Variants in SH3RF3 observed in about 807,000 individuals in gnomAD.
The protein encoded by SH3RF3 is E3 ubiquitin-protein ligase SH3RF3.
In SH3RF3, 29 loss-of-function variants were observed where a neutral mutation model predicts 66.3. The ratio of observed to expected loss-of-function variants is 0.44; its 90% CI spans 0.33 to 0.60. SH3RF3 has a LOEUF of 0.60. Ranked by LOEUF, SH3RF3 falls within the 20% of genes least tolerant of loss-of-function variation. The probability of loss-of-function intolerance (pLI) is 0.04; values close to 1 mark genes in which losing one functional copy is unlikely to be tolerated. For missense variants in SH3RF3, 1,194 were observed against 1,190.9 expected, an observed-to-expected ratio of 1.00 and a Z score of -0.04; for synonymous variants, 583 against 532.0, an observed-to-expected ratio of 1.10 and a Z score of -1.32.
At chr2:109,289,578 C>G (rs933462908) in intron 1 of SH3RF3, among the ~76,000 whole-genome samples, 1 of 152,152 alleles carries the variant, frequency 6.6e-6, no homozygotes, top group African/African-American at 2.4e-5. Flanking sequence ...ACTGGGATAT[C>G]TTACTTTTCA....
chr2:109,438,693 A>G (rs1031177695), intron 7 of SH3RF3, among the ~76,000 whole-genome samples: 1 of 152,192 alleles, frequency 6.6e-6, no homozygotes, highest in Non-Finnish European at 1.5e-5. Context: ...GCCGTCCTTC[A>G]GCATGGTTTA....
At chr2:109,310,511 T>C (rs1681699941) in intron 1 of SH3RF3, among the ~76,000 whole-genome samples, 1 of 70,356 alleles carries the variant, frequency 1.4e-5, no homozygotes, top group Non-Finnish European at 2.4e-5. Flanking sequence ...CTGAAGGAAA[T>C]AGAGACACAA....
rs187169573 is a variant in SH3RF3, at chr2:109,482,499, G to A, written c.2149-8106G>A. On this transcript the variant is annotated intron_variant, in intron 8 of 9. Coordinates refer to ENST00000309415, the MANE Select transcript of SH3RF3 (RefSeq NM_001099289.3). ...CTTCTTGAAGTTCCTCAGGGAGTCA[G>A]TCTCTTTTGTTTCAGGAGCTCCCTG... Among the ~76,000 whole-genome samples the A allele has an allele frequency of 1.4e-3, 211 of 152,296 alleles. 2 individuals carry two copies. Among genetic ancestry groups the A allele is most frequent in the Non-Finnish European group, 2.4e-4 (16 of 68,024 alleles).
At chr2:109,134,857 G>A (rs1381843422) in intron 1 of SH3RF3, among the ~76,000 whole-genome samples, 1 of 152,224 alleles carries the variant, frequency 6.6e-6, no homozygotes, top group Non-Finnish European at 1.5e-5. Context: ...AGTGCACAGA[G>A]CAGTGTGGCC....
At chr2:109,317,091 G>A (rs1175290115) in intron 1 of SH3RF3, among the ~76,000 whole-genome samples, 2 of 152,074 alleles carry the variant, frequency 1.3e-5, no homozygotes, top group Non-Finnish European at 2.9e-5. Context: ...TGGCAGTTAT[G>A]AATAAAGCTG....
At chr2:109,408,547 A>G (rs993499668) in intron 4 of SH3RF3, among the ~76,000 whole-genome samples, 1 of 152,216 alleles carries the variant, frequency 6.6e-6, no homozygotes, top group African/African-American at 2.4e-5. Context: ...GTTCGCTCTC[A>G]GGACCTCGTC....
chr2:109,311,717 G>C (rs1681729437), intron 1 of SH3RF3, among the ~76,000 whole-genome samples: 1 of 152,148 alleles, frequency 6.6e-6, no homozygotes, highest in Admixed American at 6.5e-5. Flanking sequence ...TGGTGGTTTT[G>C]TTTTTCCTTG....
rs531348090 is a variant in SH3RF3, at chr2:109,184,343, G to A, written c.573+54230G>A. ...TGTTCATAAAAATAAGACGTTTATC[G>A]CACAAAGGCCAGGAGTTTCCTAGCA... On this transcript the variant is annotated intron_variant, in intron 1 of 9. Coordinates refer to ENST00000309415, the MANE Select transcript of SH3RF3 (RefSeq NM_001099289.3). 3.0e-4 allele frequency among the ~76,000 whole-genome samples: 45 copies of A among 152,260 alleles called. No individual in the cohort carries two copies. The East Asian group carries it at 7.3e-3, about 25-fold the overall frequency.
intron 1 of SH3RF3, among the ~76,000 whole-genome samples, chr2:109,326,085 T>C (rs901113768): frequency 1.3e-5 from 2 of 152,234 alleles, no homozygotes; most frequent in South Asian, 2.1e-4. Context: ...CCACATTTTC[T>C]CCACCATGGT....
At chr2:109,493,120 A>G (rs1432257726) in intron 9 of SH3RF3, among the ~76,000 whole-genome samples, 1 of 151,534 alleles carries the variant, frequency 6.6e-6, no homozygotes, top group Non-Finnish European at 1.5e-5. Flanking sequence ...GATACATCAT[A>G]TAAACACACA....
chr2:109,399,054 T>G, intron 4 of SH3RF3, 111 bp downstream of exon 4: 1 of 1,241,154 alleles, frequency 8.1e-7, no homozygotes, highest in South Asian at 1.5e-5. Flanking sequence ...GCCCCAGAAC[T>G]GCCTTTTGGG....
intron 3 of SH3RF3, among the ~76,000 whole-genome samples, chr2:109,373,325 AG>A (rs1357892111): frequency 6.6e-6 from 1 of 152,236 alleles, no homozygotes; most frequent in Non-Finnish European, 1.5e-5. Flanking sequence ...TTCTCCAGGC[AG>A]AATCTTACTG....
chr2:109,144,008 A>G (rs1677029987), intron 1 of SH3RF3, among the ~76,000 whole-genome samples: 1 of 152,230 alleles, frequency 6.6e-6, no homozygotes, highest in African/African-American at 2.4e-5. Flanking sequence ...CACTGAATTC[A>G]TAGAAGCAGA....
chr2:109,492,140 G>A (rs926008234), intron 9 of SH3RF3, among the ~76,000 whole-genome samples: 5 of 152,074 alleles, frequency 3.3e-5, no homozygotes, highest in Admixed American at 2.0e-4. Flanking sequence ...TGAATGGGCC[G>A]GTGTCCCAGT....
At chr2:109,389,645 T>C (rs1675927285) in intron 3 of SH3RF3, among the ~76,000 whole-genome samples, 1 of 152,256 alleles carries the variant, frequency 6.6e-6, no homozygotes, top group Non-Finnish European at 1.5e-5. Flanking sequence ...TCAAACTTAC[T>C]GAAATTTTAA....
At chr2:109,257,352 G>A (rs1186476255) in intron 1 of SH3RF3, among the ~76,000 whole-genome samples, 2 of 151,608 alleles carry the variant, frequency 1.3e-5, no homozygotes, top group African/African-American at 4.9e-5. Flanking sequence ...GAATTGAGGA[G>A]GGAATGAAAG....
At chr2:109,436,851 T>C in intron 6 of SH3RF3, 42 bp from the exon 7 acceptor site, 1 of 1,600,344 alleles carries the variant, frequency 6.2e-7, no homozygotes, top group Non-Finnish European at 8.5e-7. Context: ...CACGAATGCC[T>C]CTGAGCCTCT....
chr2:109,342,814 A>G (rs1473401855), intron 1 of SH3RF3, among the ~76,000 whole-genome samples: 1 of 152,254 alleles, frequency 6.6e-6, no homozygotes. Context: ...GTCCAGAGGA[A>G]GATGTGTGTG....
intron 3 of SH3RF3, among the ~76,000 whole-genome samples, chr2:109,385,502 T>G (rs986510574): frequency 1.3e-5 from 2 of 152,208 alleles, no homozygotes; most frequent in Non-Finnish European, 2.9e-5. Context: ...TTTGGAATAG[T>G]CTTAGGTTTC....
Sources: gnomAD v4.1 joint callset for allele counts (sites outside exome capture counted in the v4.1 genomes callset) on GRCh38, gnomAD v4.1.1 for gene constraint, MANE v1.5 for transcripts, NCBI Gene and HGNC (gene_info 2026-07-23, HGNC 2026-07-21) for gene names.